Variants in SGCD observed in about 807,000 individuals in gnomAD.
The protein encoded by SGCD is delta-sarcoglycan.
Under a neutral mutation model 36.6 loss-of-function variants are expected in SGCD, and 18 were observed. The observed-to-expected ratio is 0.49, with a 90% CI of 0.34 to 0.73. SGCD has a LOEUF of 0.73. SGCD is among the 30% of genes least tolerant of loss of function. The pLI is 0.01. For synonymous variants in SGCD, 133 were observed against 130.6 expected, an observed-to-expected ratio of 1.02 and a Z score of -0.12; for missense variants, 387 against 346.7, an observed-to-expected ratio of 1.12 and a Z score of -0.92.
At position 156,382,293 on chromosome 5, in the gene SGCD, C is replaced by T. The variant is rs550426091; in HGVS notation, c.192+37616C>T. Among the ~76,000 whole-genome samples, 42 of 152,124 alleles carry T rather than the reference C, an allele frequency of 2.8e-4. No homozygotes were observed. The South Asian group carries it at 4.8e-3, about 17-fold the overall frequency. On this transcript the variant is annotated intron_variant, in intron 3 of 8. Coordinates refer to ENST00000337851, the MANE Select transcript of SGCD (RefSeq NM_000337.6). ...ACACTCCCCTGCTGAAAGAAGCCAG[C>T]GAGAATATGTGAAATTGCTTTGCAG... is the stretch of plus-strand genomic sequence containing the variant.
At chr5:156,410,395 C>A (rs1044851724) in intron 3 of SGCD, among the ~76,000 whole-genome samples, 20 of 151,960 alleles carry the variant, frequency 1.3e-4, no homozygotes, top group African/African-American at 4.1e-4. Flanking sequence ...GGGAGGGGGG[C>A]AAGGACTAAC....
chr5:156,645,810 T>G (rs446261), intron 6 of SGCD, among the ~76,000 whole-genome samples: 2 of 152,104 alleles, frequency 1.3e-5, no homozygotes, highest in Admixed American at 6.6e-5. Flanking sequence ...TATCCAGTAC[T>G]GTTTCTAGTT....
At chr5:156,400,040 T>C (rs757063655) in intron 3 of SGCD, among the ~76,000 whole-genome samples, 1 of 152,114 alleles carries the variant, frequency 6.6e-6, no homozygotes, top group African/African-American at 2.4e-5. Context: ...GTGAGGAGGG[T>C]AAGTAAGGCT....
chr5:156,552,616 C>G (rs1262680316), intron 4 of SGCD, among the ~76,000 whole-genome samples: 1 of 152,098 alleles, frequency 6.6e-6, no homozygotes, highest in Non-Finnish European at 1.5e-5. Context: ...GAGGAACATC[C>G]TACCAAGAAT....
In SGCD at chr5:156,626,282, C is replaced by T. The variant is rs574666945; in HGVS notation, c.503-21182C>T. Among the ~76,000 whole-genome samples, 4 of 152,320 alleles carry T rather than the reference C, an allele frequency of 2.6e-5. 1 individual carries two copies. Among genetic ancestry groups the T allele is most frequent in the African/African-American group, 9.6e-5 (4 of 41,576 alleles). The stretch of plus-strand genomic sequence containing the variant: ...ATCCCCTTGGAAATTTGTATGTCCT[C>T]CTTTCTCATTCTTTGAGGTTGCAGA... On this transcript the variant is annotated intron_variant, in intron 6 of 8. Coordinates refer to ENST00000337851, the MANE Select transcript of SGCD (RefSeq NM_000337.6).
chr5:156,643,031 T>G (rs1309919346), intron 6 of SGCD, among the ~76,000 whole-genome samples: 3 of 62,528 alleles, frequency 4.8e-5, no homozygotes, highest in African/African-American at 8.2e-5. Context: ...TTTGTTTTTT[T>G]TTTTGTTTGT....
the SGCD span, among the ~76,000 whole-genome samples, chr5:155,846,840 C>T: frequency 1.3e-5 from 2 of 152,116 alleles, no homozygotes; most frequent in Admixed American, 6.6e-5. Context: ...TAATTATTTC[C>T]TGACTCTTAT....
At chr5:156,610,796 G>A (rs1202255878) in intron 6 of SGCD, among the ~76,000 whole-genome samples, 1 of 152,238 alleles carries the variant, frequency 6.6e-6, no homozygotes, top group East Asian at 1.9e-4. Context: ...TCAGACTCCT[G>A]TGCTGGCAGT....
intron 3 of SGCD, among the ~76,000 whole-genome samples, chr5:156,470,363 T>C (rs1754900717): frequency 6.6e-6 from 1 of 152,148 alleles, no homozygotes; most frequent in African/African-American, 2.4e-5. Flanking sequence ...TTTTTTATAC[T>C]TTAAGTTTTA....
intron 1 of SGCD, among the ~76,000 whole-genome samples, chr5:155,970,933 C>G (rs1319416824): frequency 6.6e-6 from 1 of 152,090 alleles, no homozygotes; most frequent in Non-Finnish European, 1.5e-5. Context: ...CAGTGACGTC[C>G]AGGCTGGCAT....
chr5:156,470,637 T>C (rs1310142841), intron 3 of SGCD, among the ~76,000 whole-genome samples: 1 of 152,166 alleles, frequency 6.6e-6, no homozygotes, highest in African/African-American at 2.4e-5. Context: ...AATTTTTTTC[T>C]ATCATTTCTT....
At chr5:156,040,322 T>G in intron 1 of SGCD, among the ~76,000 whole-genome samples, 1 of 152,218 alleles carries the variant, frequency 6.6e-6, no homozygotes. Context: ...CGGGAGCCCC[T>G]TTCAAGAATG....
At chr5:156,267,481 T>C (rs1766030878) in intron 3 of SGCD, among the ~76,000 whole-genome samples, 1 of 152,192 alleles carries the variant, frequency 6.6e-6, no homozygotes, top group African/African-American at 2.4e-5. Flanking sequence ...TGCTTGATAA[T>C]TCTGACCTGC....
chr5:156,448,162 C>T (rs1414180133), intron 3 of SGCD, among the ~76,000 whole-genome samples: 2 of 152,190 alleles, frequency 1.3e-5, no homozygotes, highest in East Asian at 1.9e-4. Context: ...ATGCAAATGA[C>T]TTGCATTTCC....
At chr5:156,709,592 T>C (rs1754893867) in intron 7 of SGCD, among the ~76,000 whole-genome samples, 1 of 152,168 alleles carries the variant, frequency 6.6e-6, no homozygotes, top group African/African-American at 2.4e-5. Flanking sequence ...ATTAAAATAA[T>C]CCTATATACT....
chr5:156,695,661 C>G (rs157663), intron 7 of SGCD, among the ~76,000 whole-genome samples: 4 of 152,052 alleles, frequency 2.6e-5, no homozygotes, highest in Admixed American at 2.6e-4. Flanking sequence ...AATTAAGGCT[C>G]TACACCAGAA....
chr5:156,453,505 T>C (rs1188867345), intron 3 of SGCD, among the ~76,000 whole-genome samples: 2 of 152,166 alleles, frequency 1.3e-5, no homozygotes, highest in South Asian at 2.1e-4. Flanking sequence ...ACAACCTAAA[T>C]GTACCCCAGT....
At chr5:156,640,477 G>C (rs2113562100) in intron 6 of SGCD, among the ~76,000 whole-genome samples, 1 of 130,484 alleles carries the variant, frequency 7.7e-6, no homozygotes, top group Non-Finnish European at 1.9e-5. Context: ...ATATCCACCT[G>C]TGTTGCTACA....
chr5:155,940,624 T>TCA (rs1174037722), intron 1 of SGCD, among the ~76,000 whole-genome samples: 1 of 152,014 alleles, frequency 6.6e-6, no homozygotes. Context: ...GGTGGGTGGG[T>TCA]CACAAGTCAG....
Sources: gnomAD v4.1 joint callset for allele counts (sites outside exome capture counted in the v4.1 genomes callset) on GRCh38, gnomAD v4.1.1 for gene constraint, MANE v1.5 for transcripts, NCBI Gene and HGNC (gene_info 2026-07-23, HGNC 2026-07-21) for gene names.